Variants in PIWIL1 observed in about 807,000 individuals in gnomAD.
PIWIL1 encodes piwi like RNA-mediated gene silencing 1, also known as piwi-like protein 1.
A neutral mutation model predicts 114.4 loss-of-function variants in PIWIL1; 73 were observed. That is an observed-to-expected ratio of 0.64 (90% confidence interval 0.53 to 0.78). The LOEUF is 0.78. PIWIL1 is among the 30% of genes least tolerant of loss of function. The pLI is 0.00. For missense variants in PIWIL1, 723 were observed against 1,063.1 expected (o/e 0.68, Z 4.45); for synonymous variants, 375 against 369.0 (o/e 1.02, Z -0.19).
chr12:130,363,837 C>T (rs1287028106), intron 18 of PIWIL1, among the ~76,000 whole-genome samples: 3 of 152,048 alleles, frequency 2.0e-5, no homozygotes, highest in African/African-American at 4.8e-5. Flanking sequence ...AAGCTGGTCT[C>T]AAACTCCCAT....
intron 19 of PIWIL1, among the ~76,000 whole-genome samples, chr12:130,367,909 T>C (rs909485028): frequency 1.3e-5 from 2 of 152,190 alleles, no homozygotes; most frequent in African/African-American, 4.8e-5. Flanking sequence ...GGAATTCTCA[T>C]GCCGTAGCCT....
intron 14 of PIWIL1, 150 bp from the exon 15 acceptor site, chr12:130,361,030 C>T (rs2073495134): frequency 1.5e-6 from 1 of 649,788 alleles, no homozygotes; most frequent in African/African-American, 1.8e-5. Context: ...TAATGTCCTA[C>T]TGATTAGCTG....
chr12:130,365,864 A>G (rs1372280826), intron 18 of PIWIL1, among the ~76,000 whole-genome samples: 1 of 152,224 alleles, frequency 6.6e-6, no homozygotes, highest in East Asian at 1.9e-4. Context: ...AGGGCTGCAC[A>G]CATTTTCAAC....
chr12:130,423,684 C>A, the PIWIL1 span, among the ~76,000 whole-genome samples: 43 of 125,310 alleles, frequency 3.4e-4, no homozygotes, highest in South Asian at 2.1e-3. Flanking sequence ...AAATAGATTT[C>A]TTCAATCTTT....
At chr12:130,419,046 C>T in the PIWIL1 span, among the ~76,000 whole-genome samples, 1 of 152,210 alleles carries the variant, frequency 6.6e-6, no homozygotes. This position sits in a 1 kb window ranked among gnomAD's most constrained non-coding sequence, Gnocchi z 4.3. Flanking sequence ...TATGCGGTGA[C>T]TCCACCGTAT....
At chr12:130,393,998 C>T in the PIWIL1 span, among the ~76,000 whole-genome samples, 1,211 of 152,240 alleles carry the variant, frequency 8.0e-3, 9 homozygotes, top group South Asian at 0.018. Context: ...ATGTATTTTA[C>T]GGATTCCTTA....
chr12:130,361,465 A>C, intron 15 of PIWIL1, 33 bp from the exon 16 acceptor site: 6 of 1,610,552 alleles, frequency 3.7e-6, no homozygotes, highest in Non-Finnish European at 5.1e-6. Context: ...CTGGTACTCC[A>C]TTGTATCTAA....
Position 130,346,550 on chromosome 12 carries a change from C to T in PIWIL1, c.497C>T (p.Thr166Met), listed in dbSNP as rs1044176882. ...GGAAAGTGTCATGCTTTTGATGGAA[C>T]GATATTATTTTTACCTAAAAGACTA... ...LIGKCHAFDG[T>M]ILFLPKRLQQ... The change falls in exon 5 of 21, where the codon ACG (threonine) becomes ATG (methionine). Residue 166 changes from threonine to methionine, a missense_variant. By Grantham distance (81) the Thr-to-Met change is moderately conservative. Coordinates refer to ENST00000245255, the MANE Select transcript of PIWIL1 (RefSeq NM_004764.5). The T allele has an allele frequency of 3.5e-5, 57 of 1,613,702 alleles. No individual in the cohort carries two copies. Among genetic ancestry groups the T allele is most frequent in the Middle Eastern group, 1.7e-4 (1 of 6,048 alleles).
In PIWIL1 at chr12:130,364,374, C is replaced by T. The variant is rs572702835; in HGVS notation, c.2195+1230C>T. Among the ~76,000 whole-genome samples the T allele has an allele frequency of 7.2e-5, 11 of 152,288 alleles. No homozygotes were observed. The South Asian group carries it at 1.9e-3, about 26-fold the overall frequency. ...CTGGTGCGTAGGAAAAGGACAAGCA[C>T]CAAGAGGTCATTCCTTATTTCTACT... is the stretch of plus-strand genomic sequence containing the variant. On this transcript the variant is annotated intron_variant, in intron 18 of 20. Coordinates refer to ENST00000245255, the MANE Select transcript of PIWIL1 (RefSeq NM_004764.5).
chr12:130,374,880 C>T (rs147757068), downstream of PIWIL1, among the ~76,000 whole-genome samples: 121 of 152,310 alleles, frequency 7.9e-4, no homozygotes, highest in African/African-American at 2.8e-3. Flanking sequence ...CTCTTAGGGG[C>T]GGTTTCTTTA....
At position 130,354,874 on chromosome 12, in the gene PIWIL1, T is replaced by A. The variant is rs1160689392; in HGVS notation, c.1172-14T>A. 1 of 1,562,638 alleles carries A rather than the reference T, an allele frequency of 6.4e-7. No homozygotes were observed. Reference sequence around the variant, plus strand: ...ATTTCTTTAACCATATGCCTTTAAATGTCTTATTTAAAGGTCTAACTGATA... The same window carrying A: ...ATTTCTTTAACCATATGCCTTTAAAAGTCTTATTTAAAGGTCTAACTGATA... On this transcript the variant is annotated splice_polypyrimidine_tract_variant and intron_variant, in intron 10 of 20. Transcript: ENST00000245255.
At chr12:130,355,946 G>A (rs903065768) in intron 12 of PIWIL1, among the ~76,000 whole-genome samples, 7 of 152,084 alleles carry the variant, frequency 4.6e-5, no homozygotes, top group Admixed American at 4.6e-4. Flanking sequence ...TCAGAAATAG[G>A]TACACCCCAG....
chr12:130,405,402 C>T, the PIWIL1 span, among the ~76,000 whole-genome samples: 3 of 152,114 alleles, frequency 2.0e-5, no homozygotes, highest in Non-Finnish European at 2.9e-5. Flanking sequence ...CAGTTCTTGC[C>T]GATTCTGATA....
Position 130,363,032 on chromosome 12 carries a change from A to G in PIWIL1, c.2083A>G (p.Ser695Gly). 6.2e-7 allele frequency: 1 copy of G among 1,614,258 alleles called. No individual in the cohort carries two copies. The highest frequency in any genetic ancestry group is 2.2e-5 in the East Asian group (1 of 44,880). ...AWNSCNEYMP[S>G]RIIVYRDGVG... ...GAATAGCTGCAATGAGTACATGCCCAGCCGGATCATCGTGTACCGCGATGG... is the reference window on the plus strand; with the variant it reads ...GAATAGCTGCAATGAGTACATGCCCGGCCGGATCATCGTGTACCGCGATGG... Residue 695 changes from serine to glycine, a missense_variant, in exon 18 of 21, where the codon AGC becomes GGC. This residue lies in a region of PIWIL1 where 31 missense variants were observed against 30.2 expected (regional missense o/e 1.03). Coordinates refer to ENST00000245255, the MANE Select transcript of PIWIL1 (RefSeq NM_004764.5).
Position 130,357,052 on chromosome 12 carries a change from A to G in PIWIL1, c.1539A>G (p.Gln513=). The change falls in exon 13 of 21, where the codon CAA becomes CAG. Residue 513 remains glutamine, a synonymous_variant. Coordinates refer to ENST00000245255, the MANE Select transcript of PIWIL1 (RefSeq NM_004764.5). ...ATGAAGCAGCCAATTCATTGATACA[A>G]AATCTATTTAAAGTTACACCAGCCA... The part of the protein sequence containing the change: ...RNYEAANSLI[Q]NLFKVTPAMG... 6.2e-7 allele frequency: 1 copy of G among 1,613,734 alleles called. No individual in the cohort carries two copies.
At chr12:130,398,147 C>T in the PIWIL1 span, 3 of 152,460 alleles carry the variant, frequency 2.0e-5, no homozygotes, top group South Asian at 2.1e-4. Flanking sequence ...GAATCTTCCT[C>T]AGTAGATAGC....
the PIWIL1 span, among the ~76,000 whole-genome samples, chr12:130,394,052 A>G: frequency 6.6e-6 from 1 of 152,212 alleles, no homozygotes; most frequent in Non-Finnish European, 1.5e-5. Flanking sequence ...GAAGGCCCCT[A>G]CCATGCATGT....
the PIWIL1 span, among the ~76,000 whole-genome samples, chr12:130,408,960 C>T: frequency 1.3e-5 from 2 of 152,150 alleles, no homozygotes; most frequent in African/African-American, 4.8e-5. Context: ...GTTTACAGGA[C>T]GCACACACGC....
intron 18 of PIWIL1, among the ~76,000 whole-genome samples, chr12:130,365,807 C>T (rs1253564199): frequency 1.3e-5 from 2 of 152,164 alleles, no homozygotes; most frequent in African/African-American, 4.8e-5. Flanking sequence ...CTAACAAGGC[C>T]CTATGCTGAA....
Sources: allele counts gnomAD v4.1 joint callset (sites outside exome capture counted in the v4.1 genomes callset), GRCh38; gene constraint gnomAD v4.1.1; regional missense constraint gnomAD v4.1.1; non-coding constraint Gnocchi (gnomAD v3.1); transcripts MANE v1.5; gene names NCBI Gene and HGNC (gene_info 2026-07-23, HGNC 2026-07-21).